Variants in POP1 observed in about 807,000 individuals in gnomAD.
The protein encoded by POP1 is ribonucleases P/MRP protein subunit POP1.
POP1 carries 75 observed loss-of-function variants against 102.2 expected under a neutral mutation model. The ratio of observed to expected loss-of-function variants is 0.73; its 90% CI spans 0.61 to 0.89. The LOEUF (loss-of-function observed/expected upper bound fraction) is 0.89. Among genes scored for constraint, POP1 ranks in the 40% least tolerant of loss-of-function variants. The pLI, the probability that POP1 is intolerant of heterozygous loss-of-function variation, is 0.00. For synonymous variants in POP1, 436 were observed against 464.1 expected (o/e 0.94, Z 0.78); for missense variants, 1,116 against 1,267.4 (o/e 0.88, Z 1.81).
In POP1 at chr8:98,130,197, C is replaced by T. The variant is rs749378397; in HGVS notation, c.706C>T (p.Arg236Ter). ...AGTCAAGAGCCACAGAGCCTGCTAT[C>T]GAGCCATGACGAACCGGTGCCTCCT... The part of the protein sequence containing the change: ...PTVKSHRACY[R>*]AMTNRCLLQD... The change falls in exon 5 of 16, where the codon CGA becomes TGA. Residue 236 changes from arginine to a stop codon, truncating the protein, a stop_gained. Transcript: ENST00000401707. LOFTEE classifies it high-confidence loss of function. 22 of 1,614,050 alleles carry T rather than the reference C, an allele frequency of 1.4e-5. No individual in the cohort carries two copies. The highest frequency in any genetic ancestry group is 1.8e-5 in the Non-Finnish European group (21 of 1,180,012).
At chr8:98,154,612 T>C (rs1373837214) in intron 14 of POP1, among the ~76,000 whole-genome samples, 1 of 152,100 alleles carries the variant, frequency 6.6e-6, no homozygotes, top group Non-Finnish European at 1.5e-5. Context: ...GGTGGGTTAT[T>C]GGAAGGATGA....
At chr8:98,125,528 A>G (rs1304018750) in intron 2 of POP1, among the ~76,000 whole-genome samples, 4 of 150,390 alleles carry the variant, frequency 2.7e-5, no homozygotes, top group African/African-American at 9.8e-5. Context: ...TAATGCCCAG[A>G]CACTTGTATG....
At position 98,140,821 on chromosome 8, in the gene POP1, TG is replaced by T. The variant is rs754675958; in HGVS notation, c.1531del (p.Asp511IlefsTer4). 14 of 1,613,856 alleles carry T rather than the reference TG, an allele frequency of 8.7e-6. No individual in the cohort carries two copies. The highest frequency in any genetic ancestry group is 1.1e-5 in the Non-Finnish European group (13 of 1,179,822). ...CAGGTACTATTCTGGGACTGACAGT[TG>T]GGGATCCTCGAATAAATTTGCCCCA... Reference protein sequence around the residue: ...PAGTILGLTVGDPRINLPQKK... With the variant: ...PAGTILGLTVXDPRINLPQKK... On this transcript the variant is annotated frameshift_variant, in exon 11 of 16. Coordinates refer to ENST00000401707, the MANE Select transcript of POP1 (RefSeq NM_001145860.2). LOFTEE classifies it high-confidence loss of function.
chr8:98,155,859 G>A (rs1809630429), intron 14 of POP1, 191 bp from the exon 15 acceptor site: 1 of 639,780 alleles, frequency 1.6e-6, no homozygotes. Flanking sequence ...ACAGGCATGA[G>A]CCACTGAGCC....
In POP1 at chr8:98,117,313, T is replaced by C. The variant is rs139031026; in HGVS notation, c.-80T>C. The C allele has an allele frequency of 1.7e-5, 10 of 585,172 alleles. No homozygotes were observed. The highest frequency in any genetic ancestry group is 1.3e-4 in the African/African-American group (7 of 53,372). 36.2% of individuals were successfully genotyped at this position (585,172 alleles called of 1,614,324 possible). A position where few individuals can be genotyped will look rare whatever the true frequency, so the allele number is the denominator to read the frequency against. On this transcript the variant is annotated 5_prime_UTR_variant, in exon 1 of 16. Coordinates refer to ENST00000401707, the MANE Select transcript of POP1 (RefSeq NM_001145860.2). ...GGCGCATGCGCTCTCCAGCGCGCTCTCCAGGAGCTTTGGCTCGGTGGGTAC... is the reference window on the plus strand; with the variant it reads ...GGCGCATGCGCTCTCCAGCGCGCTCCCCAGGAGCTTTGGCTCGGTGGGTAC...
chr8:98,128,880 T>C (rs28460391), intron 4 of POP1, among the ~76,000 whole-genome samples: 97,139 of 151,884 alleles, frequency 0.64, 31,158 homozygotes, highest in South Asian at 0.82. Context: ...GCTGTGATCA[T>C]GCTACTGTAC....
chr8:98,135,585 C>T (rs969644778), intron 7 of POP1, among the ~76,000 whole-genome samples: 1 of 152,044 alleles, frequency 6.6e-6, no homozygotes, highest in Non-Finnish European at 1.5e-5. Flanking sequence ...ACCCCTAGCC[C>T]CAGCCCTAAT....
chr8:98,130,245 C>T lies in POP1; in HGVS notation c.735+19C>T, dbSNP rs764765980. Reference sequence around the variant, plus strand: ...CCTGCAGGTGAGCTTTTCCAGTGGGCTTTTTTTGTTATTTTTGTTTGATCC... The same window carrying T: ...CCTGCAGGTGAGCTTTTCCAGTGGGTTTTTTTTGTTATTTTTGTTTGATCC... On this transcript the variant is annotated intron_variant, in intron 5 of 15. Coordinates refer to ENST00000401707, the MANE Select transcript of POP1 (RefSeq NM_001145860.2). 6.2e-7 allele frequency: 1 copy of T among 1,613,844 alleles called. No homozygotes were observed. The highest frequency in any genetic ancestry group is 1.1e-5 in the South Asian group (1 of 91,062).
chr8:98,155,280 T>C (rs2130634128), intron 14 of POP1, among the ~76,000 whole-genome samples: 1 of 152,260 alleles, frequency 6.6e-6, no homozygotes. Flanking sequence ...GTTATTATTA[T>C]TATTTTATTT....
chr8:98,139,629 A>G (rs28581864), intron 9 of POP1, among the ~76,000 whole-genome samples: 20,108 of 152,074 alleles, frequency 0.13, 1,444 homozygotes, highest in Middle Eastern at 0.26. Flanking sequence ...AGCCACTTGA[A>G]AGGCTGAAGT....
Position 98,128,359 on chromosome 8 carries a change from C to T in POP1, c.311-6C>T. 6.2e-7 allele frequency: 1 copy of T among 1,613,728 alleles called. No individual in the cohort carries two copies. Among genetic ancestry groups the T allele is most frequent in the Non-Finnish European group, 8.5e-7 (1 of 1,179,846 alleles). On this transcript the variant is annotated splice_polypyrimidine_tract_variant and splice_region_variant and intron_variant, in intron 3 of 15. Coordinates refer to ENST00000401707, the MANE Select transcript of POP1 (RefSeq NM_001145860.2). ...TGTTTAATGACTTTGTCATCTCCTTCAACAGCTTCTACTTTTGCTCAAGCA... is the reference window on the plus strand; with the variant it reads ...TGTTTAATGACTTTGTCATCTCCTTTAACAGCTTCTACTTTTGCTCAAGCA...
At chr8:98,142,032 CTTTCTT>C (rs935384952) in intron 11 of POP1, among the ~76,000 whole-genome samples, 1 of 152,088 alleles carries the variant, frequency 6.6e-6, no homozygotes, top group Non-Finnish European at 1.5e-5. Flanking sequence ...GTCATTGCCT[CTTTCTT>C]TTCTTTTCTT....
At chr8:98,144,112 C>T (rs941860501) in intron 11 of POP1, among the ~76,000 whole-genome samples, 1 of 151,916 alleles carries the variant, frequency 6.6e-6, no homozygotes, top group Non-Finnish European at 1.5e-5. Context: ...GCTGAGATCG[C>T]ACCACCACAC....
intron 9 of POP1, among the ~76,000 whole-genome samples, chr8:98,138,017 G>A (rs1816597757): frequency 6.6e-6 from 1 of 152,116 alleles, no homozygotes; most frequent in African/African-American, 2.4e-5. Context: ...AAATACAAAA[G>A]CTACTTTTCT....
In POP1 at chr8:98,157,737, C is replaced by G. The variant is rs369030084; in HGVS notation, c.2541C>G (p.Ser847=). The G allele has an allele frequency of 1.1e-5, 18 of 1,614,082 alleles. No homozygotes were observed. The highest frequency in any genetic ancestry group is 1.5e-5 in the Non-Finnish European group (18 of 1,180,056). Residue 847 remains serine (S), a synonymous_variant, in exon 16 of 16, where the codon TCC becomes TCG. Coordinates refer to ENST00000401707, the MANE Select transcript of POP1 (RefSeq NM_001145860.2). The stretch of plus-strand genomic sequence containing the variant: ...GATTGACCAGAGAGGCTTGCCTGTC[C>G]ATCTTGGGCCACTTCCCCAGGGCCC... The part of the protein sequence containing the change: ...QQGLTREACL[S]ILGHFPRALV...
In POP1 at chr8:98,157,724, A is replaced by G. The variant is rs537780766; in HGVS notation, c.2528A>G (p.Glu843Gly). 3.1e-6 allele frequency: 5 copies of G among 1,614,186 alleles called. No individual in the cohort carries two copies. The East Asian group carries it at 1.1e-4, about 36-fold the overall frequency. The change falls in exon 16 of 16, where the codon GAG (glutamate) becomes GGG (glycine). Residue 843 changes from glutamate (E) to glycine (G), a missense_variant. Physicochemically the swap from Glu to Gly is moderately conservative, Grantham distance 98. Transcript: ENST00000401707. ...PGRGQQGLTREACLSILGHFP... is the reference protein window; with the variant it reads ...PGRGQQGLTRGACLSILGHFP... ...AGAGGCCAGCAAGGATTGACCAGAG[A>G]GGCTTGCCTGTCCATCTTGGGCCAC... is the stretch of plus-strand genomic sequence containing the variant.
intron 13 of POP1, 85 bp downstream of exon 13, chr8:98,149,091 A>T: frequency 7.6e-7 from 1 of 1,312,966 alleles, no homozygotes. Flanking sequence ...TCCAGACTTT[A>T]TGTACAACTT....
In POP1 at chr8:98,133,799, A is replaced by ATTCTCCTTCTC. The variant is rs555902323; in HGVS notation, c.736-150_736-149insTTCTCCTTCTC. ...TTCCACTAAACCATCGGGCAGGAGA[A>ATTCTCCTTCTC]GGTTTAGATTTTGACTTATGAGAAC... On this transcript the variant is annotated intron_variant, in intron 5 of 15. Transcript: ENST00000401707. 3.5e-4 allele frequency: 244 copies of ATTCTCCTTCTC among 704,396 alleles called. 3 individuals are homozygous for ATTCTCCTTCTC. Among genetic ancestry groups the ATTCTCCTTCTC allele is most frequent in the East Asian group, 2.7e-3 (102 of 38,360 alleles). 43.6% of individuals were successfully genotyped at this position (704,396 alleles called of 1,614,324 possible). A position where few individuals can be genotyped will look rare whatever the true frequency, so the allele number is the denominator to read the frequency against.
intron 9 of POP1, 144 bp from the exon 10 acceptor site, chr8:98,139,934 A>G (rs1424675805): frequency 1.4e-6 from 1 of 710,890 alleles, no homozygotes; most frequent in East Asian, 2.7e-5. Flanking sequence ...TGTTAAGTAT[A>G]GTGGCAACTT....
Sources: gnomAD v4.1 joint callset for allele counts (sites outside exome capture counted in the v4.1 genomes callset) on GRCh38, gnomAD v4.1.1 for gene constraint, MANE v1.5 for transcripts, NCBI Gene and HGNC (gene_info 2026-07-23, HGNC 2026-07-21) for gene names.